BNC1: variants seen among roughly 807,000 people sequenced by gnomAD.
The protein encoded by BNC1 is zinc finger protein basonuclin-1.
A neutral mutation model predicts 66.5 loss-of-function variants in BNC1; 8 were observed. That is an observed-to-expected ratio of 0.12 (90% CI 0.07 to 0.22). BNC1 has a LOEUF of 0.22. Ranked by LOEUF, BNC1 falls within the 10% of genes least tolerant of loss-of-function variation. The probability of loss-of-function intolerance (pLI) is 1.00; values close to 1 mark genes in which losing one functional copy is unlikely to be tolerated. For missense variants in BNC1, 1,069 were observed against 1,241.3 expected (o/e 0.86, Z 2.09); for synonymous variants, 454 against 452.6 (o/e 1.00, Z -0.04).
chr15:83,264,370 G>A lies in BNC1; in HGVS notation c.881C>T (p.Ser294Phe), dbSNP rs1390936371. ...FPDSSFLTSS[S>F]TPFQVEKDQC... ...ATCTTTTTCAACCTGAAATGGTGTG[G>A]AACTGGAAGTTAAGAAGCTGCTGTC... is the stretch of plus-strand genomic sequence containing the variant. Residue 294 changes from serine to phenylalanine, a missense_variant, in exon 4 of 5, where the codon TCC becomes TTC. Ser to Phe is a radical substitution (Grantham distance 155). Coordinates refer to ENST00000345382, the MANE Select transcript of BNC1 (RefSeq NM_001717.4). 2 of 1,614,042 alleles carry A rather than the reference G, an allele frequency of 1.2e-6. No individual in the cohort carries two copies. The highest frequency in any genetic ancestry group is 2.7e-5 in the African/African-American group (2 of 74,916).
At chr15:83,261,816 A>G (rs1408854697) in intron 4 of BNC1, among the ~76,000 whole-genome samples, 3 of 152,192 alleles carry the variant, frequency 2.0e-5, no homozygotes, top group Admixed American at 2.0e-4. Flanking sequence ...TTATTCTTTT[A>G]TAACTTAATA....
intron 4 of BNC1, among the ~76,000 whole-genome samples, chr15:83,260,911 T>C (rs562078568): frequency 6.6e-6 from 1 of 152,218 alleles, no homozygotes; most frequent in Admixed American, 6.5e-5. Context: ...CTAGGTAAAA[T>C]GCATTTCAAG....
chr15:83,272,515 G>A (rs941421076), intron 1 of BNC1, among the ~76,000 whole-genome samples: 1 of 151,886 alleles, frequency 6.6e-6, no homozygotes, highest in Non-Finnish European at 1.5e-5. Flanking sequence ...GGAATTACAG[G>A]TGTGAGCCAC....
Position 83,268,162 on chromosome 15 carries a change from T to A in BNC1, c.170A>T (p.Asp57Val). The A allele has an allele frequency of 1.9e-6, 3 of 1,614,194 alleles. No individual in the cohort carries two copies. Among genetic ancestry groups the A allele is most frequent in the Non-Finnish European group, 2.5e-6 (3 of 1,180,024 alleles). ...GGCCACCCATCCATGCTTGCATTGGTCACACTGACGGTGGTTTATTTTCCC... is the reference window on the plus strand; with the variant it reads ...GGCCACCCATCCATGCTTGCATTGGACACACTGACGGTGGTTTATTTTCCC... ...KPGKINHRQC[D>V]QCKHGWVAHA... The change falls in exon 2 of 5, where the codon GAC (aspartate) becomes GTC (valine). Residue 57 changes from aspartate to valine, a missense_variant. Physicochemically the swap from Asp to Val is radical, Grantham distance 152. Transcript: ENST00000345382.
chr15:83,284,439 G>T, intron 1 of BNC1, 91 bp downstream of exon 1: 1 of 853,782 alleles, frequency 1.2e-6, no homozygotes, highest in South Asian at 4.0e-5. Flanking sequence ...GTGGCCCTCG[G>T]GTACCCACGG....
intron 1 of BNC1, chr15:83,283,405 G>C: frequency 8.2e-7 from 1 of 1,222,052 alleles, no homozygotes. Context: ...CTCCTTCTCC[G>C]CCCGCGGCCC....
intron 1 of BNC1, chr15:83,283,486 C>A (rs1450962643): frequency 1.0e-6 from 1 of 985,234 alleles, no homozygotes; most frequent in Non-Finnish European, 1.2e-6. Context: ...GCGAGCCACG[C>A]GCTCGCAGGT....
chr15:83,257,358 T>C lies in BNC1; in HGVS notation c.*84A>G. On this transcript the variant is annotated 3_prime_UTR_variant, in exon 5 of 5. Coordinates refer to ENST00000345382, the MANE Select transcript of BNC1 (RefSeq NM_001717.4). The stretch of plus-strand genomic sequence containing the variant: ...CTTTTGCCTGACTCGCCCCAAATGA[T>C]ATGAAACAGAAACATTTCTATGGAC... 7.0e-7 allele frequency: 1 copy of C among 1,425,038 alleles called. No individual in the cohort carries two copies. The highest frequency in any genetic ancestry group is 1.4e-5 in the South Asian group (1 of 73,310). 88.3% of individuals were successfully genotyped at this position (1,425,038 alleles called of 1,614,324 possible).
intron 1 of BNC1, among the ~76,000 whole-genome samples, chr15:83,272,939 G>A (rs1044866233): frequency 6.6e-6 from 1 of 152,096 alleles, no homozygotes. Context: ...CCCTCCAGTT[G>A]TGACCACCAA....
At chr15:83,276,191 G>C (rs2038321161) in intron 1 of BNC1, among the ~76,000 whole-genome samples, 2 of 152,176 alleles carry the variant, frequency 1.3e-5, no homozygotes, top group African/African-American at 4.8e-5. Context: ...AATCAAAACA[G>C]TGAGACTGTT....
At chr15:83,271,065 C>G (rs933444285) in intron 1 of BNC1, among the ~76,000 whole-genome samples, 1 of 152,138 alleles carries the variant, frequency 6.6e-6, no homozygotes, top group Admixed American at 6.6e-5. Context: ...CACCTGAGGT[C>G]AGGAGTTCAA....
chr15:83,273,615 C>T (rs1484697435), intron 1 of BNC1, among the ~76,000 whole-genome samples: 1 of 152,178 alleles, frequency 6.6e-6, no homozygotes, highest in African/African-American at 2.4e-5. Context: ...TCGTAACTAT[C>T]GTTTTCTCAT....
intron 1 of BNC1, among the ~76,000 whole-genome samples, chr15:83,280,445 C>T (rs2038366479): frequency 6.6e-6 from 1 of 152,166 alleles, no homozygotes; most frequent in Non-Finnish European, 1.5e-5. Flanking sequence ...AACTTCACTA[C>T]TGCTGCTGAT....
rs574314172 is a variant in BNC1 at position 83,264,827 on chromosome 15, C to T, written c.436-12G>A. 7 of 1,607,754 alleles carry T rather than the reference C, an allele frequency of 4.4e-6. No homozygotes were observed. In the African/African-American group the frequency reaches 8.0e-5, roughly 18 times the overall value. On this transcript the variant is annotated splice_polypyrimidine_tract_variant and intron_variant, in intron 3 of 4. Transcript: ENST00000345382. ...TTTCCTGATGCATCCTAAACCCAAACCAGATGTTAGAAGTGTGATCAATTT... is the reference window on the plus strand; with the variant it reads ...TTTCCTGATGCATCCTAAACCCAAATCAGATGTTAGAAGTGTGATCAATTT...
chr15:83,264,925 G>T, intron 3 of BNC1, 110 bp from the exon 4 acceptor site: 1 of 1,130,934 alleles, frequency 8.8e-7, no homozygotes, highest in Non-Finnish European at 1.2e-6. Flanking sequence ...ATAGGAAAAA[G>T]ATGAATGCAG....
rs867775441 is a variant in BNC1, at chr15:83,257,162, G to A, written c.*280C>T. On this transcript the variant is annotated 3_prime_UTR_variant, in exon 5 of 5. Transcript: ENST00000345382. ...TCTGCAGACCTGGATCTGTCCCAGG[G>A]AACATGTAAACAAATCTGGGAAAAA... is the stretch of plus-strand genomic sequence containing the variant. 4.2e-6 allele frequency: 2 copies of A among 479,084 alleles called. No homozygotes were observed. The highest frequency in any genetic ancestry group is 7.5e-6 in the Non-Finnish European group (2 of 268,386). The allele number at this position is 479,084 out of a possible 1,614,324, so 29.7% of individuals were successfully genotyped here. A position where few individuals can be genotyped will look rare whatever the true frequency, so the allele number is the denominator to read the frequency against.
At chr15:83,277,338 G>A (rs2038333907) in intron 1 of BNC1, among the ~76,000 whole-genome samples, 1 of 151,984 alleles carries the variant, frequency 6.6e-6, no homozygotes, top group African/African-American at 2.4e-5. Context: ...TGGAGACAGT[G>A]TGGCTCTGTC....
In BNC1 at chr15:83,264,208, T is replaced by C. The variant is rs142462257; in HGVS notation, c.1043A>G (p.Asn348Ser). The stretch of plus-strand genomic sequence containing the variant: ...CCGGCCCTTCTTTGTACCAAGGCTA[T>C]TCCTCTCAGGCTTCACTTTGGCCTC... ...SPEAKVKPER[N>S]SLGTKKGRVF... Residue 348 changes from asparagine to serine, a missense_variant, in exon 4 of 5, where the codon AAT (asparagine) becomes AGT (serine). By Grantham distance (46) the Asn-to-Ser change is conservative (BLOSUM62 1). Transcript: ENST00000345382. 2,899 of 1,614,238 alleles carry C rather than the reference T, an allele frequency of 1.8e-3. 1 individual carries two copies. The highest frequency in any genetic ancestry group is 2.3e-3 in the Non-Finnish European group (2,666 of 1,180,040).
At chr15:83,266,215 A>G (rs1374349127) in intron 3 of BNC1, among the ~76,000 whole-genome samples, 1 of 144,384 alleles carries the variant, frequency 6.9e-6, no homozygotes, top group Non-Finnish European at 1.5e-5. Context: ...ACTGGAGAAA[A>G]GAAGAGAATA....
Sources: allele counts gnomAD v4.1 joint callset (sites outside exome capture counted in the v4.1 genomes callset), GRCh38; gene constraint gnomAD v4.1.1; transcripts MANE v1.5; gene names NCBI Gene and HGNC (gene_info 2026-07-23, HGNC 2026-07-21).